Variants in SRPK2 observed in about 807,000 individuals in gnomAD.
SRPK2 encodes SFRS protein kinase 2.
SRPK2 carries 21 observed loss-of-function variants against 90.8 expected under a neutral mutation model. That is an observed-to-expected ratio of 0.23 (90% CI 0.16 to 0.33). The LOEUF (loss-of-function observed/expected upper bound fraction) is 0.33. Among genes scored for constraint, SRPK2 ranks in the 10% least tolerant of loss-of-function variants. SRPK2 has a pLI of 1.00. For synonymous variants in SRPK2, 288 were observed against 311.1 expected (o/e 0.93, Z 0.78); for missense variants, 620 against 869.0 (o/e 0.71, Z 3.60).
chr7:105,119,695 AAAC>A (rs1800053235), intron 15 of SRPK2, among the ~76,000 whole-genome samples: 1 of 152,176 alleles, frequency 6.6e-6, no homozygotes, highest in Non-Finnish European at 1.5e-5. Flanking sequence ...GTCTCCATAA[AAAC>A]AAAGTCTGAA....
rs530301229 is a variant in SRPK2 at position 105,302,047 on chromosome 7, G to A, written c.71+86601C>T. On this transcript the variant is annotated intron_variant, in intron 2 of 15. Coordinates refer to ENST00000393651, the MANE Select transcript of SRPK2 (RefSeq NM_182692.3). Reference sequence around the variant, plus strand: ...GAGGCTGGAACTGGGTTGATGTTGTGAAGCATTTAAGCAAAACTGGCTCTA... The same window carrying A: ...GAGGCTGGAACTGGGTTGATGTTGTAAAGCATTTAAGCAAAACTGGCTCTA... 255 of 1,565,052 alleles carry A rather than the reference G, an allele frequency of 1.6e-4. 1 individual carries two copies. In the African/African-American group the frequency reaches 3.0e-3, roughly 19 times the overall value.
intron 2 of SRPK2, among the ~76,000 whole-genome samples, chr7:105,299,982 C>G (rs976345569): frequency 3.3e-5 from 5 of 151,702 alleles, no homozygotes; most frequent in African/African-American, 1.2e-4. Context: ...ATGAAGTGCC[C>G]ATCAAAAATT....
intron 2 of SRPK2, among the ~76,000 whole-genome samples, chr7:105,290,079 C>T (rs765404465): frequency 6.6e-6 from 1 of 151,682 alleles, no homozygotes; most frequent in Non-Finnish European, 1.5e-5. Flanking sequence ...AACCCCAAAA[C>T]AATTACCATA....
intron 6 of SRPK2, among the ~76,000 whole-genome samples, chr7:105,160,966 G>A (rs1270521629): frequency 1.3e-5 from 2 of 151,786 alleles, no homozygotes; most frequent in East Asian, 3.9e-4. Flanking sequence ...GTCTTGCTCT[G>A]TCGCCCAGGA....
At chr7:105,384,035 T>C (rs1042476965) in intron 2 of SRPK2, among the ~76,000 whole-genome samples, 2 of 152,152 alleles carry the variant, frequency 1.3e-5, no homozygotes, top group Non-Finnish European at 2.9e-5. Flanking sequence ...TAGAATTAGA[T>C]AACGGCTGCA....
chr7:105,160,279 G>C (rs748273615), intron 7 of SRPK2: 1 of 308,262 alleles, frequency 3.2e-6, no homozygotes. Context: ...GGCAAAAAAC[G>C]TATGCCTGAC....
At chr7:105,229,231 T>A (rs529445937) in intron 2 of SRPK2, among the ~76,000 whole-genome samples, 18 of 152,180 alleles carry the variant, frequency 1.2e-4, no homozygotes, top group African/African-American at 4.3e-4. Flanking sequence ...TGGGAGGCCG[T>A]CGCGGGCAGA....
chr7:105,136,418 C>A (rs1049212295), intron 11 of SRPK2, among the ~76,000 whole-genome samples: 3 of 152,294 alleles, frequency 2.0e-5, no homozygotes, highest in African/African-American at 7.2e-5. Flanking sequence ...TTCCTTCTTA[C>A]AGATAATGGT....
intron 2 of SRPK2, among the ~76,000 whole-genome samples, chr7:105,272,357 G>A (rs1048849773): frequency 6.6e-6 from 1 of 152,096 alleles, no homozygotes; most frequent in Non-Finnish European, 1.5e-5. Context: ...CCCACCTCAA[G>A]ACCACACTTG....
chr7:105,168,267 C>T (rs1035870801), intron 4 of SRPK2, among the ~76,000 whole-genome samples, 172 bp from the exon 5 acceptor site: 1 of 152,202 alleles, frequency 6.6e-6, no homozygotes, highest in African/African-American at 2.4e-5. Flanking sequence ...CCACCTCTGA[C>T]TGCAATCAAA....
chr7:105,231,226 C>A (rs1378065598), intron 2 of SRPK2, among the ~76,000 whole-genome samples: 2 of 152,148 alleles, frequency 1.3e-5, no homozygotes, highest in Admixed American at 1.3e-4. Flanking sequence ...AGGGTAATAG[C>A]CTCCAGGTCT....
chr7:105,115,814 T>A (rs981089569), downstream of SRPK2, among the ~76,000 whole-genome samples: 1 of 152,194 alleles, frequency 6.6e-6, no homozygotes, highest in Non-Finnish European at 1.5e-5. Context: ...ATCACCCTGA[T>A]AAAAATCCTT....
chr7:105,217,056 A>G (rs749953631), intron 2 of SRPK2, among the ~76,000 whole-genome samples: 2 of 152,208 alleles, frequency 1.3e-5, no homozygotes, highest in African/African-American at 2.4e-5. Context: ...ACCAATAAAT[A>G]CACCTTGATA....
At chr7:105,138,172 T>C (rs1190820511) in intron 11 of SRPK2, among the ~76,000 whole-genome samples, 1 of 152,186 alleles carries the variant, frequency 6.6e-6, no homozygotes, top group African/African-American at 2.4e-5. Context: ...AGAAGAAGAA[T>C]GTAAAAAGGT....
chr7:105,370,361 G>A (rs1819556521), intron 2 of SRPK2, among the ~76,000 whole-genome samples: 1 of 151,870 alleles, frequency 6.6e-6, no homozygotes, highest in African/African-American at 2.4e-5. Context: ...GGAGTTTGGG[G>A]GATACAGGTA....
intron 2 of SRPK2, among the ~76,000 whole-genome samples, chr7:105,285,231 C>A (rs893491498): frequency 1.3e-4 from 19 of 151,460 alleles, no homozygotes; most frequent in Non-Finnish European, 1.0e-4. Context: ...ACAAAAAAAT[C>A]AAAAATTAGC....
Position 105,227,922 on chromosome 7 carries a change from A to G in SRPK2, c.72-24137T>C, listed in dbSNP as rs117598148. 2.8e-3 allele frequency among the ~76,000 whole-genome samples: 422 copies of G among 151,744 alleles called. 11 individuals carry two copies. The East Asian group carries it at 0.054, about 19-fold the overall frequency. On this transcript the variant is annotated intron_variant, in intron 2 of 15. Coordinates refer to ENST00000393651, the MANE Select transcript of SRPK2 (RefSeq NM_182692.3). Reference sequence around the variant, plus strand: ...AAAAAAAAAAAAAAAAAAAGTAACTAACAACGATAAGACTCCAAATAATGG... The same window carrying G: ...AAAAAAAAAAAAAAAAAAAGTAACTGACAACGATAAGACTCCAAATAATGG...
At chr7:105,381,954 G>A (rs1820998161) in intron 2 of SRPK2, among the ~76,000 whole-genome samples, 1 of 152,064 alleles carries the variant, frequency 6.6e-6, no homozygotes, top group Non-Finnish European at 1.5e-5. Flanking sequence ...GATCATTTGA[G>A]GCCAGGAGTT....
rs143338018 is a variant in SRPK2 at position 105,167,435 on chromosome 7, G to C, written c.456C>G (p.Asn152Lys). 3.6e-5 allele frequency: 58 copies of C among 1,613,622 alleles called. No individual in the cohort carries two copies. Among genetic ancestry groups the C allele is most frequent in the Non-Finnish European group, 4.7e-5 (55 of 1,179,776 alleles). The stretch of plus-strand genomic sequence containing the variant: ...CAATGAGCTGGACCACCATGTCTTT[G>C]TTTGGGTCACTGGGATCACTTTCTC... ...CVRESDPSDP[N>K]KDMVVQLIDD... The change falls in exon 6 of 16, where the codon AAC (asparagine) becomes AAG (lysine). Residue 152 changes from asparagine (N) to lysine (K), a missense_variant. By Grantham distance (94) the Asn-to-Lys change is moderately conservative (BLOSUM62 0). Coordinates refer to ENST00000393651, the MANE Select transcript of SRPK2 (RefSeq NM_182692.3).
Sources: allele counts gnomAD v4.1 joint callset (sites outside exome capture counted in the v4.1 genomes callset), GRCh38; gene constraint gnomAD v4.1.1; transcripts MANE v1.5; gene names NCBI Gene and HGNC (gene_info 2026-07-23, HGNC 2026-07-21).